Variants in LOC400499 observed in about 807,000 individuals in gnomAD.
chr16:11,415,225 T>C, the LOC400499 span, among the ~76,000 whole-genome samples: 1 of 152,198 alleles, frequency 6.6e-6, no homozygotes, highest in Non-Finnish European at 1.5e-5. Flanking sequence ...TAGGAGTTTC[T>C]TCTTTGACTT....
the LOC400499 span, among the ~76,000 whole-genome samples, chr16:11,517,610 C>A: frequency 1.3e-5 from 2 of 152,224 alleles, no homozygotes; most frequent in African/African-American, 4.8e-5. Flanking sequence ...TGACTTGAGA[C>A]TGTCATTGTT....
chr16:11,382,944 G>GAGATA, the LOC400499 span, among the ~76,000 whole-genome samples: 1 of 138,280 alleles, frequency 7.2e-6, no homozygotes, highest in African/African-American at 2.8e-5. Context: ...TCATAAATGA[G>GAGATA]ATAATTGGCT....
chr16:11,511,937 G>T, the LOC400499 span, among the ~76,000 whole-genome samples: 3 of 152,076 alleles, frequency 2.0e-5, no homozygotes, highest in Non-Finnish European at 4.4e-5. Context: ...GGAACCCCTT[G>T]ACCCCAGGAG....
the LOC400499 span, among the ~76,000 whole-genome samples, chr16:11,490,513 T>A: frequency 1.3e-5 from 2 of 151,238 alleles, no homozygotes; most frequent in African/African-American, 4.9e-5. Flanking sequence ...TCCTGGCTAA[T>A]GTGGTGAAAC....
At chr16:11,450,942 C>G in the LOC400499 span, 1 of 888,630 alleles carries the variant, frequency 1.1e-6, no homozygotes. Context: ...CTGGGAATAA[C>G]TAGGCATGAG....
the LOC400499 span, chr16:11,449,004 C>G: frequency 2.0e-6 from 3 of 1,524,750 alleles, no homozygotes; most frequent in South Asian, 3.6e-5. Context: ...ACGGTCCCGG[C>G]TGTTCTCAGC....
At chr16:11,416,349 T>C in the LOC400499 span, among the ~76,000 whole-genome samples, 2 of 152,056 alleles carry the variant, frequency 1.3e-5, no homozygotes, top group Non-Finnish European at 2.9e-5. Context: ...CCATAATCTA[T>C]ATGGGGGTCA....
the LOC400499 span, among the ~76,000 whole-genome samples, chr16:11,397,635 T>A: frequency 6.6e-6 from 1 of 152,092 alleles, no homozygotes; most frequent in Non-Finnish European, 1.5e-5. Context: ...ATAGCTGCTT[T>A]CACAAGACAG....
At chr16:11,411,292 G>T in the LOC400499 span, 5 of 399,348 alleles carry the variant, frequency 1.3e-5, no homozygotes, top group East Asian at 7.1e-5. Context: ...CAGGAGGAAG[G>T]GGAGGCGATG....
the LOC400499 span, among the ~76,000 whole-genome samples, chr16:11,524,823 C>A: frequency 1.3e-5 from 2 of 151,166 alleles, no homozygotes; most frequent in African/African-American, 4.8e-5. Flanking sequence ...CAGCCACTTG[C>A]AGGATCTTTC....
the LOC400499 span, among the ~76,000 whole-genome samples, chr16:11,421,550 C>T: frequency 3.9e-5 from 6 of 152,102 alleles, no homozygotes; most frequent in South Asian, 2.1e-4. Flanking sequence ...TATACGCATG[C>T]GCCACCACGC....
At chr16:11,487,123 G>T in the LOC400499 span, 1 of 396,856 alleles carries the variant, frequency 2.5e-6, no homozygotes, top group African/African-American at 2.1e-5. Flanking sequence ...CTATGGGCAG[G>T]TGGGTGACTA....
chr16:11,450,319 T>C, the LOC400499 span, among the ~76,000 whole-genome samples: 3 of 152,264 alleles, frequency 2.0e-5, no homozygotes, highest in Non-Finnish European at 2.9e-5. Context: ...AAAAGCCGAA[T>C]GTCCATCTGT....
chr16:11,372,723 T>A, the LOC400499 span: 2 of 983,212 alleles, frequency 2.0e-6, no homozygotes, highest in South Asian at 9.4e-5. Context: ...AGTGCTGGCA[T>A]AGACAAAATC....
chr16:11,474,521 T>C, the LOC400499 span, among the ~76,000 whole-genome samples: 2 of 152,152 alleles, frequency 1.3e-5, no homozygotes, highest in Non-Finnish European at 2.9e-5. Context: ...TTTGCTTGTA[T>C]AGGGTAGAAT....
At chr16:11,495,513 T>G in the LOC400499 span, among the ~76,000 whole-genome samples, 14 of 151,802 alleles carry the variant, frequency 9.2e-5, no homozygotes, top group Non-Finnish European at 1.6e-4. Context: ...CCCACGTAGC[T>G]GAGATTACAG....
chr16:11,459,593 G>C, the LOC400499 span, among the ~76,000 whole-genome samples: 1 of 152,286 alleles, frequency 6.6e-6, no homozygotes, highest in East Asian at 1.9e-4. Context: ...TCCTAACTCA[G>C]CAAAAGAACC....
the LOC400499 span, among the ~76,000 whole-genome samples, chr16:11,416,494 C>G: frequency 2.6e-5 from 4 of 152,152 alleles, 1 homozygote; most frequent in East Asian, 7.7e-4. Context: ...CTCATAGGCT[C>G]GTTCATGCAC....
At chr16:11,424,197 A>T in the LOC400499 span, 1 of 399,278 alleles carries the variant, frequency 2.5e-6, no homozygotes, top group Non-Finnish European at 4.4e-6. Flanking sequence ...GCTGGCATGG[A>T]GCTGGAGGCC....
Sources: allele counts gnomAD v4.1 joint callset (sites outside exome capture counted in the v4.1 genomes callset), GRCh38; gene constraint gnomAD v4.1.1; transcripts MANE v1.5.